OSBPL8: variants seen among roughly 807,000 people sequenced by gnomAD.
OSBPL8 encodes oxysterol binding protein like 8.
A neutral mutation model predicts 125.5 loss-of-function variants in OSBPL8; 59 were observed. That is an observed-to-expected ratio of 0.47 (90% CI 0.38 to 0.58). The LOEUF (loss-of-function observed/expected upper bound fraction) is 0.58, where lower values mean the gene tolerates loss of function less well. OSBPL8 is among the 20% of genes least tolerant of loss of function. The pLI, the probability that OSBPL8 is intolerant of heterozygous loss-of-function variation, is 0.00. For missense variants in OSBPL8, 758 were observed against 1,047.8 expected (o/e 0.72, Z 3.82); for synonymous variants, 330 against 338.9 (o/e 0.97, Z 0.29).
chr12:76,532,925 G>C (rs935283373), intron 1 of OSBPL8, among the ~76,000 whole-genome samples: 6 of 151,990 alleles, frequency 3.9e-5, no homozygotes, highest in Admixed American at 6.6e-5. Flanking sequence ...TTTTCATCTT[G>C]GAAGAAAATG....
At chr12:76,377,736 T>C (rs1180874101) in intron 16 of OSBPL8, among the ~76,000 whole-genome samples, 1 of 152,196 alleles carries the variant, frequency 6.6e-6, no homozygotes, top group East Asian at 1.9e-4. Context: ...ACTAAACTGA[T>C]GCAAAATAGT....
At chr12:76,401,841 C>T (rs377329674) in intron 6 of OSBPL8, among the ~76,000 whole-genome samples, 2 of 152,016 alleles carry the variant, frequency 1.3e-5, no homozygotes, top group African/African-American at 4.8e-5. Flanking sequence ...AAAGTTTCAC[C>T]TTCATAAGTT....
At chr12:76,498,033 C>G (rs956763876) in intron 1 of OSBPL8, among the ~76,000 whole-genome samples, 2 of 152,192 alleles carry the variant, frequency 1.3e-5, no homozygotes, top group African/African-American at 4.8e-5. Context: ...CAGTGACTAG[C>G]ATGTGATAAA....
intron 1 of OSBPL8, among the ~76,000 whole-genome samples, chr12:76,524,509 A>G (rs967052795): frequency 3.9e-5 from 6 of 152,192 alleles, no homozygotes; most frequent in African/African-American, 1.4e-4. Flanking sequence ...ACAAATCCTG[A>G]AAAACGGGTA....
chr12:76,555,102 C>A (rs748045430), intron 1 of OSBPL8, among the ~76,000 whole-genome samples: 1 of 152,170 alleles, frequency 6.6e-6, no homozygotes, highest in Non-Finnish European at 1.5e-5. Flanking sequence ...TGGTAGAGAT[C>A]TTCATGGCTT....
In OSBPL8 at chr12:76,497,527, C is replaced by T. The variant is rs117530070; in HGVS notation, c.-67-9909G>A. On this transcript the variant is annotated intron_variant, in intron 1 of 23. Coordinates refer to ENST00000261183, the MANE Select transcript of OSBPL8 (RefSeq NM_020841.5). The stretch of plus-strand genomic sequence containing the variant: ...CTCCACTTAGACCTACACCTAAACC[C>T]TAAAAGTAGCTTCTTTGCTCAGCAT... Among the ~76,000 whole-genome samples, 308 of 152,310 alleles carry T rather than the reference C, an allele frequency of 2.0e-3. 9 individuals carry two copies. In the East Asian group the frequency reaches 0.053, roughly 26 times the overall value.
chr12:76,476,330 G>C (rs985505083), intron 2 of OSBPL8, among the ~76,000 whole-genome samples: 1 of 152,086 alleles, frequency 6.6e-6, no homozygotes, highest in Admixed American at 6.5e-5. Flanking sequence ...TGCTGTGAAA[G>C]ACAACAAACT....
At chr12:76,391,371 A>T (rs1953548491) in intron 10 of OSBPL8, among the ~76,000 whole-genome samples, 1 of 152,136 alleles carries the variant, frequency 6.6e-6, no homozygotes, top group Non-Finnish European at 1.5e-5. Flanking sequence ...AAAGTCTTGG[A>T]AAGAGGTTCC....
intron 1 of OSBPL8, among the ~76,000 whole-genome samples, chr12:76,550,123 A>G (rs956154959): frequency 1.3e-5 from 2 of 152,098 alleles, no homozygotes; most frequent in Non-Finnish European, 2.9e-5. Context: ...AGGGGAGGCT[A>G]TAATAGAGGC....
At chr12:76,524,384 T>C (rs1376230179) in intron 1 of OSBPL8, among the ~76,000 whole-genome samples, 1 of 152,186 alleles carries the variant, frequency 6.6e-6, no homozygotes, top group Non-Finnish European at 1.5e-5. Flanking sequence ...CTACTGACAG[T>C]ACAACTAAAA....
chr12:76,359,186 T>C (rs1368586177), intron 21 of OSBPL8, among the ~76,000 whole-genome samples: 1 of 152,204 alleles, frequency 6.6e-6, no homozygotes, highest in Non-Finnish European at 1.5e-5. Context: ...TCTAGTAGAA[T>C]GTTAAATAAT....
intron 5 of OSBPL8, among the ~76,000 whole-genome samples, 195 bp from the exon 6 acceptor site, chr12:76,402,961 A>C (rs1452189458): frequency 6.6e-6 from 1 of 152,228 alleles, no homozygotes; most frequent in Non-Finnish European, 1.5e-5. Flanking sequence ...AAAAAGTTAA[A>C]ACTAATCAGT....
intron 2 of OSBPL8, among the ~76,000 whole-genome samples, chr12:76,479,957 G>A (rs1013631284): frequency 6.6e-6 from 1 of 151,896 alleles, no homozygotes; most frequent in East Asian, 1.9e-4. Context: ...ACCTGAGGTC[G>A]GGAGTTCAAG....
At chr12:76,386,737 G>T in intron 12 of OSBPL8, 77 bp from the exon 13 acceptor site, 1 of 966,664 alleles carries the variant, frequency 1.0e-6, no homozygotes, top group Non-Finnish European at 1.6e-6. Flanking sequence ...ACCAATAACC[G>T]AGTATGAAAC....
chr12:76,533,434 C>T (rs1269926122), intron 1 of OSBPL8, among the ~76,000 whole-genome samples: 1 of 152,154 alleles, frequency 6.6e-6, no homozygotes, highest in East Asian at 1.9e-4. Context: ...TTGCGGTAAA[C>T]TTCATGATTA....
intron 1 of OSBPL8, among the ~76,000 whole-genome samples, chr12:76,537,257 T>G (rs1202038034): frequency 1.3e-5 from 2 of 152,182 alleles, no homozygotes; most frequent in African/African-American, 2.4e-5. Flanking sequence ...TTTCATAGCA[T>G]ACTACTTAAA....
At chr12:76,406,678 T>C (rs757507731) in intron 5 of OSBPL8, among the ~76,000 whole-genome samples, 15 of 152,142 alleles carry the variant, frequency 9.9e-5, no homozygotes, top group Non-Finnish European at 5.9e-5. Context: ...TGCAGTGGTG[T>C]GATCACAGCT....
At chr12:76,485,821 C>T (rs1417684998) in intron 2 of OSBPL8, among the ~76,000 whole-genome samples, 1 of 152,088 alleles carries the variant, frequency 6.6e-6, no homozygotes, top group Non-Finnish European at 1.5e-5. Context: ...CCTTTAATAG[C>T]TGTTATGAGG....
chr12:76,476,363 G>C (rs1876809674), intron 2 of OSBPL8, among the ~76,000 whole-genome samples: 2 of 151,982 alleles, frequency 1.3e-5, no homozygotes, highest in Non-Finnish European at 2.9e-5. Context: ...TGAAAGAAAA[G>C]AAAATCAGTG....
Sources: gnomAD v4.1 joint callset for allele counts (sites outside exome capture counted in the v4.1 genomes callset) on GRCh38, gnomAD v4.1.1 for gene constraint, MANE v1.5 for transcripts, NCBI Gene and HGNC (gene_info 2026-07-23, HGNC 2026-07-21) for gene names.